Variants in CDH15 observed in about 807,000 individuals in gnomAD.
The protein encoded by CDH15 is cadherin-15.
In CDH15, 73 loss-of-function variants were observed where a neutral mutation model predicts 69.4. The ratio of observed to expected loss-of-function variants is 1.05; its 90% confidence interval spans 0.87 to 1.28. CDH15 has a LOEUF of 1.28. Ranked by LOEUF, CDH15 falls within the 50% of genes most tolerant of loss-of-function variation. CDH15 has a pLI of 0.00. For synonymous variants in CDH15, 624 were observed against 507.7 expected, an observed-to-expected ratio of 1.23 and a Z score of -3.08; for missense variants, 1,343 against 1,133.6, an observed-to-expected ratio of 1.18 and a Z score of -2.65.
At chr16:89,179,268 A>C in intron 1 of CDH15, 148 bp from the exon 2 acceptor site, 2 of 850,768 alleles carry the variant, frequency 2.4e-6, no homozygotes, top group Non-Finnish European at 3.7e-6. Context: ...CCGTGTGTGG[A>C]AGCCGCCTTG....
chr16:89,180,645 T>A (rs1447410985), intron 3 of CDH15, among the ~76,000 whole-genome samples: 1 of 152,220 alleles, frequency 6.6e-6, no homozygotes. Flanking sequence ...CCGCTGTAGC[T>A]TCTGTGGCTC....
intron 10 of CDH15, 41 bp from the exon 11 acceptor site, chr16:89,192,164 G>A (rs1473573387): frequency 6.7e-7 from 1 of 1,490,234 alleles, no homozygotes; most frequent in South Asian, 1.3e-5. Flanking sequence ...AAGTGGGGGC[G>A]GCCTCGGGAG....
Position 89,179,536 on chromosome 16 carries a change from T to G in CDH15, c.163T>G (p.Ser55Ala). ...CTGGGTCATCCCCCCGATCAGCGTA[T>G]CCGAGAACCACAAGCGTCTCCCCTA... is the stretch of plus-strand genomic sequence containing the variant. ...RAWVIPPISV[S>A]ENHKRLPYPL... Residue 55 changes from serine (S) to alanine (A), a missense_variant, in exon 2 of 14, where the codon TCC (serine) becomes GCC (alanine). Coordinates refer to ENST00000289746, the MANE Select transcript of CDH15 (RefSeq NM_004933.3). The G allele has an allele frequency of 6.2e-7, 1 of 1,610,576 alleles. No homozygotes were observed. Among genetic ancestry groups the G allele is most frequent in the Non-Finnish European group, 8.5e-7 (1 of 1,178,122 alleles).
intron 1 of CDH15, among the ~76,000 whole-genome samples, chr16:89,173,596 A>G (rs1302410857): frequency 1.3e-5 from 2 of 152,286 alleles, no homozygotes; most frequent in East Asian, 1.9e-4. Flanking sequence ...TGTCAGTGTC[A>G]GGACCCTGCC....
intron 8 of CDH15, 79 bp from the exon 9 acceptor site, chr16:89,191,251 T>C: frequency 6.5e-7 from 1 of 1,530,964 alleles, no homozygotes; most frequent in South Asian, 1.1e-5. Context: ...GTGCAGTGCA[T>C]GTCACGCACC....
At chr16:89,187,639 C>T (rs1319933449) in intron 6 of CDH15, 82 bp downstream of exon 6, 22 of 1,570,518 alleles carry the variant, frequency 1.4e-5, no homozygotes, top group Non-Finnish European at 1.8e-5. Context: ...AGGCAGCGGG[C>T]TTCATGATGG....
chr16:89,190,220 C>T (rs373233148), intron 7 of CDH15, 23 bp from the exon 8 acceptor site: 22 of 1,608,814 alleles, frequency 1.4e-5, no homozygotes, highest in Middle Eastern at 3.3e-4. Context: ...GGGCGGATGA[C>T]GGGCTGTGCT....
At chr16:89,186,618 T>A (rs113317448) in intron 5 of CDH15, among the ~76,000 whole-genome samples, 13 of 100,102 alleles carry the variant, frequency 1.3e-4, no homozygotes, top group African/African-American at 2.4e-4. Flanking sequence ...CAGCGCACAG[T>A]AGGTGCTCTG....
At chr16:89,186,853 C>T (rs1915501645) in intron 5 of CDH15, among the ~76,000 whole-genome samples, 1 of 149,664 alleles carries the variant, frequency 6.7e-6, no homozygotes, top group Non-Finnish European at 1.5e-5. Flanking sequence ...AGAAGGTGCT[C>T]TGTAAACGCT....
chr16:89,194,345 C>T (rs959977001), intron 13 of CDH15, among the ~76,000 whole-genome samples: 1 of 152,238 alleles, frequency 6.6e-6, no homozygotes, highest in African/African-American at 2.4e-5. Flanking sequence ...GTGGGGCGCA[C>T]AGGGAACCCT....
chr16:89,195,126 C>T lies in CDH15; in HGVS notation c.2416C>T (p.Leu806=). The change falls in exon 14 of 14, where the codon CTA becomes TTA. Residue 806 remains leucine, a synonymous_variant. Coordinates refer to ENST00000289746, the MANE Select transcript of CDH15 (RefSeq NM_004933.3). ...AREGLSPGAL[L]PRHRGRTA ...GGAGGGTCTTTCTCCTGGGGCACTG[C>T]TACCCAGACACAGAGGCCGGACAGC... 1 of 1,602,922 alleles carries T rather than the reference C, an allele frequency of 6.2e-7. No individual in the cohort carries two copies. The highest frequency in any genetic ancestry group is 8.5e-7 in the Non-Finnish European group (1 of 1,174,184).
chr16:89,187,389 C>A (rs1597308594), intron 5 of CDH15, 40 bp from the exon 6 acceptor site: 2 of 1,609,742 alleles, frequency 1.2e-6, no homozygotes, highest in Non-Finnish European at 8.5e-7. Flanking sequence ...TGTGCCCCAC[C>A]TGGGCCCTCA....
chr16:89,185,046 C>T (rs112087694), intron 4 of CDH15, 127 bp from the exon 5 acceptor site: 5 of 866,620 alleles, frequency 5.8e-6, no homozygotes, highest in African/African-American at 5.0e-5. Context: ...GACTGACTGC[C>T]CCATCTGGGG....
intron 7 of CDH15, 105 bp from the exon 8 acceptor site, chr16:89,190,138 T>C (rs992765728): frequency 1.0e-5 from 14 of 1,368,444 alleles, no homozygotes; most frequent in Non-Finnish European, 1.3e-5. Flanking sequence ...AGAAGGAAAG[T>C]ACAGGTGCTC....
In CDH15 at chr16:89,192,090, T is replaced by TG. The variant is rs893955184; in HGVS notation, c.1616-108dup. On this transcript the variant is annotated intron_variant, in intron 10 of 13. Transcript: ENST00000289746. ...CATTGTGCCCAGAGGACGGTGGGGG[T>TG]GGGGGGGACCCAGGCCCAGGATCTC... 1.1e-5 allele frequency: 15 copies of TG among 1,346,534 alleles called. No homozygotes were observed. The East Asian group carries it at 1.3e-4, about 11-fold the overall frequency. The allele number at this position is 1,346,534 out of a possible 1,614,324, so 83.4% of individuals were successfully genotyped here.
intron 3 of CDH15, 88 bp downstream of exon 3, chr16:89,180,443 C>G: frequency 7.0e-7 from 1 of 1,432,054 alleles, no homozygotes; most frequent in East Asian, 2.5e-5. Context: ...TTCTCCTCCC[C>G]GCTCGGTGGG....
At chr16:89,191,561 G>GC in intron 9 of CDH15, 89 bp downstream of exon 9, 3 of 1,584,632 alleles carry the variant, frequency 1.9e-6, no homozygotes, top group Non-Finnish European at 2.6e-6. Flanking sequence ...TGCCCATGTC[G>GC]CCCGGGGGCT....
At position 89,171,875 on chromosome 16, in the gene CDH15, TA is replaced by T; in HGVS notation, c.42+4del. The T allele has an allele frequency of 6.4e-7, 1 of 1,556,924 alleles. No individual in the cohort carries two copies. ...CTCGTCCTCGGGCTGTTGGCCCAGG[TA>T]AGGCATCGGCACCTGCGGGGGTCCC... On this transcript the variant is annotated splice_donor_region_variant and intron_variant, in intron 1 of 13. Transcript: ENST00000289746.
rs747627528 is a variant in CDH15, at chr16:89,192,408, C to T, written c.1819C>T (p.Leu607=). Residue 607 remains leucine, a synonymous_variant, in exon 11 of 14, where the codon CTG becomes TTG. Transcript: ENST00000289746. ...AGGTGLSLGA[L]VIVLASALLL... The stretch of plus-strand genomic sequence containing the variant: ...GGGCACAGGCCTCAGCCTGGGCGCA[C>T]TGGTCATCGTGCTGGCCAGCGCCCT... 43 of 1,543,834 alleles carry T rather than the reference C, an allele frequency of 2.8e-5. No homozygotes were observed. In the South Asian group the frequency reaches 4.4e-4, roughly 16 times the overall value.
Sources: gnomAD v4.1 joint callset for allele counts (sites outside exome capture counted in the v4.1 genomes callset) on GRCh38, gnomAD v4.1.1 for gene constraint, MANE v1.5 for transcripts, NCBI Gene and HGNC (gene_info 2026-07-23, HGNC 2026-07-21) for gene names.